CLVS1: variants seen among roughly 807,000 people sequenced by gnomAD.
The protein encoded by CLVS1 is clavesin 1.
In CLVS1, 10 loss-of-function variants were observed where a neutral mutation model predicts 33.1. The observed-to-expected ratio is 0.30, with a 90% CI of 0.19 to 0.51. The LOEUF (loss-of-function observed/expected upper bound fraction) is 0.51, where lower values mean the gene tolerates loss of function less well. Ranked by LOEUF, CLVS1 falls within the 20% of genes least tolerant of loss-of-function variation. The pLI is 0.97. For synonymous variants in CLVS1, 163 were observed against 166.1 expected (o/e 0.98, Z 0.14); for missense variants, 343 against 433.4 (o/e 0.79, Z 1.85).
intron 1 of CLVS1, among the ~76,000 whole-genome samples, chr8:61,097,482 G>A (rs1484918903): frequency 2.0e-5 from 3 of 152,160 alleles, no homozygotes; most frequent in African/African-American, 4.8e-5. Flanking sequence ...TGTTTCACTC[G>A]TGAGAGTTTC....
chr8:61,157,885 A>G (rs1315855826), intron 2 of CLVS1, among the ~76,000 whole-genome samples: 2 of 152,200 alleles, frequency 1.3e-5, no homozygotes, highest in African/African-American at 4.8e-5. Context: ...ATATGAGCCA[A>G]TCAGAACTTC....
chr8:61,244,297 A>G (rs1808763706), intron 2 of CLVS1, among the ~76,000 whole-genome samples: 2 of 152,174 alleles, frequency 1.3e-5, no homozygotes, highest in Admixed American at 6.5e-5. Context: ...TGGGATTAAT[A>G]AAAAGGTTTT....
chr8:61,439,131 G>A (rs971514412), intron 3 of CLVS1, among the ~76,000 whole-genome samples: 6 of 152,190 alleles, frequency 3.9e-5, no homozygotes, highest in African/African-American at 1.4e-4. Flanking sequence ...ATGATCTTAT[G>A]AGTTTAAGCA....
At chr8:61,033,195 G>C in the CLVS1 span, among the ~76,000 whole-genome samples, 1 of 152,016 alleles carries the variant, frequency 6.6e-6, no homozygotes, top group Non-Finnish European at 1.5e-5. Flanking sequence ...CAAGTGTGGT[G>C]GTGCACATCT....
intron 2 of CLVS1, among the ~76,000 whole-genome samples, chr8:61,345,623 T>G (rs1037817564): frequency 1.4e-4 from 21 of 145,068 alleles, no homozygotes; most frequent in South Asian, 4.6e-4. Flanking sequence ...CCTCTAGGGG[T>G]GTGTGTGTGT....
the CLVS1 span, chr8:60,964,915 G>A: frequency 6.6e-6 from 1 of 152,120 alleles, no homozygotes. Flanking sequence ...GAGAAATTGA[G>A]GCATTAGGAA....
intron 2 of CLVS1, among the ~76,000 whole-genome samples, chr8:61,234,875 A>AG (rs1808523124): frequency 6.6e-6 from 1 of 152,186 alleles, no homozygotes; most frequent in Admixed American, 6.5e-5. Flanking sequence ...TTTAAAAAAA[A>AG]TAGAATGGAC....
intron 2 of CLVS1, among the ~76,000 whole-genome samples, chr8:61,149,623 C>T (rs1303184591): frequency 1.4e-5 from 2 of 147,980 alleles, no homozygotes; most frequent in East Asian, 2.0e-4. Flanking sequence ...AAGAGAGTAT[C>T]AGTGAATTCC....
At chr8:60,975,603 A>G in the CLVS1 span, among the ~76,000 whole-genome samples, 2 of 152,174 alleles carry the variant, frequency 1.3e-5, no homozygotes, top group Non-Finnish European at 2.9e-5. Context: ...GGAGCTTCAA[A>G]GGGACCATGG....
At chr8:61,298,449 T>TA (rs1268037464) in intron 1 of CLVS1, among the ~76,000 whole-genome samples, 1 of 152,194 alleles carries the variant, frequency 6.6e-6, no homozygotes, top group African/African-American at 2.4e-5. Flanking sequence ...TACTTTTTTT[T>TA]ATCTCCTCCG....
chr8:61,040,671 C>G, the CLVS1 span, among the ~76,000 whole-genome samples: 2 of 152,110 alleles, frequency 1.3e-5, no homozygotes, highest in Non-Finnish European at 2.9e-5. Context: ...CCTTTGCTTA[C>G]TTTTCAGTGG....
At chr8:61,476,424 C>T (rs1276218712) in intron 5 of CLVS1, among the ~76,000 whole-genome samples, 1 of 152,156 alleles carries the variant, frequency 6.6e-6, no homozygotes, top group Admixed American at 6.5e-5. Flanking sequence ...TCTTCCTACC[C>T]ATGAGCATGG....
chr8:61,441,145 C>T (rs1167813242), intron 3 of CLVS1, among the ~76,000 whole-genome samples: 1 of 152,122 alleles, frequency 6.6e-6, no homozygotes, highest in Admixed American at 6.5e-5. Context: ...ATGTTTTTAA[C>T]CTGTCTTCTT....
intron 1 of CLVS1, among the ~76,000 whole-genome samples, chr8:61,109,908 G>A (rs1159623941): frequency 1.3e-5 from 2 of 152,178 alleles, no homozygotes; most frequent in Non-Finnish European, 2.9e-5. Flanking sequence ...GCAAGAAGAT[G>A]CGCCCCATCA....
At chr8:61,363,764 G>C (rs539406263) in intron 2 of CLVS1, among the ~76,000 whole-genome samples, 1 of 152,278 alleles carries the variant, frequency 6.6e-6, no homozygotes, top group Admixed American at 6.5e-5. Context: ...AATTAGGCTG[G>C]AGCCTGTGTT....
intron 2 of CLVS1, among the ~76,000 whole-genome samples, chr8:61,145,412 T>C (rs1239751982): frequency 1.3e-5 from 2 of 152,250 alleles, no homozygotes; most frequent in Non-Finnish European, 2.9e-5. Context: ...TGATTGGTTT[T>C]CTGAAAGAAT....
chr8:61,115,306 A>G (rs954191381), intron 1 of CLVS1, among the ~76,000 whole-genome samples: 17 of 152,064 alleles, frequency 1.1e-4, no homozygotes, highest in Non-Finnish European at 2.1e-4. Flanking sequence ...TCTAGCAAAT[A>G]GTAAGGATTT....
chr8:61,031,802 G>A, the CLVS1 span, among the ~76,000 whole-genome samples: 1 of 152,214 alleles, frequency 6.6e-6, no homozygotes, highest in African/African-American at 2.4e-5. Flanking sequence ...GGTTTCAGGA[G>A]CAGCAAAATA....
chr8:61,303,978 G>A (rs1476059292), intron 2 of CLVS1, among the ~76,000 whole-genome samples: 1 of 152,162 alleles, frequency 6.6e-6, no homozygotes, highest in Non-Finnish European at 1.5e-5. Context: ...ATTGGAATGG[G>A]GCAATGAATG....
Sources: allele counts gnomAD v4.1 joint callset (sites outside exome capture counted in the v4.1 genomes callset), GRCh38; gene constraint gnomAD v4.1.1; transcripts MANE v1.5; gene names NCBI Gene and HGNC (gene_info 2026-07-23, HGNC 2026-07-21).